Variants in AGMO observed in about 807,000 individuals in gnomAD.
The protein encoded by AGMO is glyceryl-ether monooxygenase.
A neutral mutation model predicts 60.2 loss-of-function variants in AGMO; 75 were observed. That is an observed-to-expected ratio of 1.25 (90% CI 1.03 to 1.51). The LOEUF (loss-of-function observed/expected upper bound fraction) is 1.51. AGMO is among the 40% of genes most tolerant of loss of function. The probability of loss-of-function intolerance (pLI) is 0.00; values close to 1 mark genes in which losing one functional copy is unlikely to be tolerated. For missense variants in AGMO, 763 were observed against 525.5 expected (o/e 1.45, Z -4.42); for synonymous variants, 261 against 177.1 (o/e 1.47, Z -3.76).
chr7:15,386,276 A>AT (rs1223104308), intron 9 of AGMO, among the ~76,000 whole-genome samples: 5 of 152,246 alleles, frequency 3.3e-5, no homozygotes, highest in Admixed American at 3.3e-4. Flanking sequence ...TTCTAAAGTT[A>AT]TTTATTGGAA....
chr7:15,552,764 G>A (rs994009025), intron 2 of AGMO, among the ~76,000 whole-genome samples: 21 of 149,962 alleles, frequency 1.4e-4, no homozygotes, highest in East Asian at 1.2e-3. Flanking sequence ...TCAGTGTGGC[G>A]ATTCTTCAGG....
chr7:15,466,028 G>A (rs1437021598), intron 3 of AGMO, among the ~76,000 whole-genome samples: 1 of 152,084 alleles, frequency 6.6e-6, no homozygotes, highest in African/African-American at 2.4e-5. Flanking sequence ...TTTATAAGTT[G>A]GGGGTACAAA....
intron 12 of AGMO, among the ~76,000 whole-genome samples, chr7:15,277,331 AAATAAATAAATAAATAAATAAATT>A (rs1162880086): frequency 6.8e-6 from 1 of 146,426 alleles, no homozygotes; most frequent in Non-Finnish European, 1.5e-5. Context: ...ATAAATAAAT[AAATAAATAAATAAATAAATAAATT>A]ATGTGTCATT....
Position 15,467,857 on chromosome 7 carries a change from G to A in AGMO, c.410-36749C>T, listed in dbSNP as rs141081988. Among the ~76,000 whole-genome samples the A allele has an allele frequency of 3.9e-4, 60 of 152,064 alleles. No individual in the cohort carries two copies. The East Asian group carries it at 7.0e-3, about 18-fold the overall frequency. On this transcript the variant is annotated intron_variant, in intron 3 of 12. Transcript: ENST00000342526. ...TTAGAAGAGTGACTTCATATGCCCC[G>A]GTTTTAGGGAAATGGCCTTCCTTCA...
At chr7:15,184,027 C>G in the AGMO span, among the ~76,000 whole-genome samples, 2 of 152,224 alleles carry the variant, frequency 1.3e-5, no homozygotes, top group Admixed American at 1.3e-4. Flanking sequence ...AAAACAATAT[C>G]TCCTGGGAAA....
intron 12 of AGMO, among the ~76,000 whole-genome samples, chr7:15,216,936 C>T (rs1376961831): frequency 6.6e-6 from 1 of 151,930 alleles, no homozygotes; most frequent in Non-Finnish European, 1.5e-5. Flanking sequence ...ATATCTCACA[C>T]CCTCAAAGGG....
chr7:15,264,343 A>C (rs1378015228), intron 12 of AGMO, among the ~76,000 whole-genome samples: 1 of 151,922 alleles, frequency 6.6e-6, no homozygotes, highest in African/African-American at 2.4e-5. Flanking sequence ...TCTATCTTAA[A>C]TTATCTGCAA....
intron 8 of AGMO, among the ~76,000 whole-genome samples, chr7:15,387,986 C>T (rs562976417): frequency 5.0e-4 from 76 of 150,578 alleles, no homozygotes; most frequent in African/African-American, 1.8e-3. Flanking sequence ...TGGCTCACTA[C>T]AACCTCTGCC....
In AGMO at chr7:15,372,038, G is replaced by A. The variant is rs112142915; in HGVS notation, c.1075-5816C>T. 8.6e-3 allele frequency among the ~76,000 whole-genome samples: 1,306 copies of A among 152,108 alleles called. 7 individuals carry two copies. Among genetic ancestry groups the A allele is most frequent in the Non-Finnish European group, 0.015 (1,032 of 67,988 alleles). ...AAAGAAACTGAGAATATTGAAGAGG[G>A]AATTCAACATAGAACACATATGCTT... On this transcript the variant is annotated intron_variant, in intron 10 of 12. Coordinates refer to ENST00000342526, the MANE Select transcript of AGMO (RefSeq NM_001004320.2).
intron 3 of AGMO, among the ~76,000 whole-genome samples, chr7:15,516,260 A>G (rs537167414): frequency 3.0e-4 from 46 of 152,258 alleles, no homozygotes; most frequent in African/African-American, 1.0e-3. Flanking sequence ...GAGAAGGAGA[A>G]GATGGTGAGG....
chr7:15,187,015 T>C, the AGMO span, among the ~76,000 whole-genome samples: 135,740 of 152,242 alleles, frequency 0.89, 60,866 homozygotes, highest in East Asian at 1. Context: ...GACCTATTCA[T>C]CTTTCCCACG....
intron 10 of AGMO, among the ~76,000 whole-genome samples, chr7:15,377,943 C>G (rs761653337): frequency 2.6e-5 from 4 of 152,000 alleles, no homozygotes; most frequent in Non-Finnish European, 4.4e-5. Flanking sequence ...AAAAGAAATT[C>G]TTGGTTTCAA....
chr7:15,496,474 T>C (rs764495104), intron 3 of AGMO, among the ~76,000 whole-genome samples: 1 of 152,074 alleles, frequency 6.6e-6, no homozygotes. Flanking sequence ...TTCTCCCCTG[T>C]AATGTAACAT....
rs143499917 is a variant in AGMO, at chr7:15,351,450, T to C, written c.1263+14064A>G. On this transcript the variant is annotated intron_variant, in intron 12 of 12. Coordinates refer to ENST00000342526, the MANE Select transcript of AGMO (RefSeq NM_001004320.2). ...AGGGGTGAGGAGAATTTGATAGCAT[T>C]TCTTAAAGGCATGAGTGATTAGTAA... is the stretch of plus-strand genomic sequence containing the variant. Among the ~76,000 whole-genome samples, 722 of 152,264 alleles carry C rather than the reference T, an allele frequency of 4.7e-3. 8 individuals are homozygous for C. The highest frequency in any genetic ancestry group is 6.7e-3 in the Non-Finnish European group (453 of 67,996).
chr7:15,384,595 TG>T (rs1177885416), intron 10 of AGMO, among the ~76,000 whole-genome samples: 1 of 152,168 alleles, frequency 6.6e-6, no homozygotes, highest in Non-Finnish European at 1.5e-5. Context: ...AGAGTTACCA[TG>T]TAACTTTCAA....
rs117313003 is a variant in AGMO, at chr7:15,410,108, G to C, written c.609+8450C>G. The stretch of plus-strand genomic sequence containing the variant: ...TGAGAATTCTTGGGCTGAGACCACT[G>C]TAACTGTGCTTCTAAACTTCAGTCC... On this transcript the variant is annotated intron_variant, in intron 5 of 12. Coordinates refer to ENST00000342526, the MANE Select transcript of AGMO (RefSeq NM_001004320.2). Among the ~76,000 whole-genome samples the C allele has an allele frequency of 1.5e-3, 230 of 151,828 alleles. 2 individuals are homozygous for C. The highest frequency in any genetic ancestry group is 2.0e-3 in the Non-Finnish European group (136 of 67,784).
intron 12 of AGMO, among the ~76,000 whole-genome samples, chr7:15,298,189 C>T (rs1468191152): frequency 7.1e-6 from 1 of 139,876 alleles, no homozygotes; most frequent in African/African-American, 3.4e-5. Context: ...CAGAAAATAA[C>T]AAGTTTCCTT....
intron 5 of AGMO, among the ~76,000 whole-genome samples, chr7:15,414,499 A>G: frequency 6.9e-6 from 1 of 144,324 alleles, no homozygotes. Context: ...CACACACACA[A>G]AGAGAGGGAG....
chr7:15,471,832 TAATCTTCCA>T (rs2128512855), intron 3 of AGMO, among the ~76,000 whole-genome samples: 1 of 152,034 alleles, frequency 6.6e-6, no homozygotes, highest in East Asian at 1.9e-4. Flanking sequence ...GATTTTTTTT[TAATCTTCCA>T]AAAAGCTTAA....
Sources: allele counts gnomAD v4.1 joint callset (sites outside exome capture counted in the v4.1 genomes callset), GRCh38; gene constraint gnomAD v4.1.1; transcripts MANE v1.5; gene names NCBI Gene and HGNC (gene_info 2026-07-23, HGNC 2026-07-21).